CHSY3: variants seen among roughly 807,000 people sequenced by gnomAD.
The protein encoded by CHSY3 is N-acetylgalactosaminyl-proteoglycan 3-beta-glucuronosyltransferase 3.
Under a neutral mutation model 67.2 loss-of-function variants are expected in CHSY3, and 35 were observed. That is an observed-to-expected ratio of 0.52 (90% CI 0.40 to 0.69). The LOEUF (loss-of-function observed/expected upper bound fraction) is 0.69. Ranked by LOEUF, CHSY3 falls within the 30% of genes least tolerant of loss-of-function variation. The pLI is 0.00. For missense variants in CHSY3, 1,069 were observed against 1,138.5 expected, an observed-to-expected ratio of 0.94 and a Z score of 0.88; for synonymous variants, 474 against 434.7, an observed-to-expected ratio of 1.09 and a Z score of -1.12.
At chr5:130,172,663 A>G (rs936688586) in intron 2 of CHSY3, among the ~76,000 whole-genome samples, 3 of 152,136 alleles carry the variant, frequency 2.0e-5, no homozygotes, top group African/African-American at 2.4e-5. Context: ...ACAATTCAGT[A>G]GTATCAGCTA....
At chr5:130,057,292 A>G (rs1765566610) in intron 2 of CHSY3, among the ~76,000 whole-genome samples, 1 of 152,106 alleles carries the variant, frequency 6.6e-6, no homozygotes, top group Non-Finnish European at 1.5e-5. Context: ...ATTGGACTAT[A>G]TAAAGTGAAA....
intron 2 of CHSY3, chr5:130,141,283 C>T: frequency 2.3e-6 from 1 of 436,386 alleles, no homozygotes. Context: ...CCCACCATTC[C>T]TATCAAGCAG....
intron 2 of CHSY3, among the ~76,000 whole-genome samples, chr5:129,987,955 C>T (rs1377402258): frequency 1.3e-5 from 2 of 151,944 alleles, no homozygotes; most frequent in African/African-American, 4.8e-5. Context: ...AAAATCTTTC[C>T]GTTTTTCTTG....
intron 2 of CHSY3, among the ~76,000 whole-genome samples, chr5:129,931,140 G>A (rs1309958224): frequency 6.6e-6 from 1 of 151,984 alleles, no homozygotes; most frequent in Non-Finnish European, 1.5e-5. Context: ...TTTAAAACAT[G>A]TATATTTGTG....
chr5:130,120,855 A>C (rs578112184), intron 2 of CHSY3, among the ~76,000 whole-genome samples: 1 of 152,324 alleles, frequency 6.6e-6, no homozygotes, highest in South Asian at 2.1e-4. Context: ...GAGCAACCAA[A>C]TGTTAGAATG....
chr5:129,953,125 C>T (rs944894637), intron 2 of CHSY3, among the ~76,000 whole-genome samples: 2 of 152,118 alleles, frequency 1.3e-5, no homozygotes, highest in South Asian at 4.1e-4. Context: ...TGCTATCCCT[C>T]CCCTATCCCC....
intron 2 of CHSY3, among the ~76,000 whole-genome samples, chr5:129,945,008 A>G (rs568471088): frequency 1.3e-5 from 2 of 152,328 alleles, no homozygotes; most frequent in Admixed American, 6.5e-5. Flanking sequence ...GAACACTTAT[A>G]TTCCAGGCTA....
intron 2 of CHSY3, among the ~76,000 whole-genome samples, chr5:129,924,889 C>T (rs928078508): frequency 6.6e-6 from 1 of 152,218 alleles, no homozygotes; most frequent in East Asian, 1.9e-4. Flanking sequence ...AAAAGAGGAG[C>T]AAATTCCTCA....
chr5:130,020,458 TA>T (rs1194393738), intron 2 of CHSY3, among the ~76,000 whole-genome samples: 24 of 3,756 alleles, frequency 6.4e-3, no homozygotes, highest in Non-Finnish European at 0.014. Context: ...TATATATATA[TA>T]TATTTTTTTT....
intron 2 of CHSY3, among the ~76,000 whole-genome samples, chr5:129,989,776 A>G (rs1166192463): frequency 2.0e-5 from 3 of 152,210 alleles, no homozygotes; most frequent in Non-Finnish European, 4.4e-5. Context: ...ATTATAGTGC[A>G]TGCTTCATAG....
rs1235724208 is a variant in CHSY3, at chr5:130,160,895, ATT to A, written c.1087-23322_1087-23321del. 7.3e-3 allele frequency among the ~76,000 whole-genome samples: 1,046 copies of A among 142,418 alleles called. 17 individuals carry two copies. Among genetic ancestry groups the A allele is most frequent in the African/African-American group, 0.027 (982 of 37,038 alleles). The allele number at this position is 142,418 out of a possible 152,430, so 93.4% of individuals were successfully genotyped here. On this transcript the variant is annotated intron_variant, in intron 2 of 2. Coordinates refer to ENST00000305031, the MANE Select transcript of CHSY3 (RefSeq NM_175856.5). ...ACTGATCATTTTTATTTATTTATTT[ATT>A]TTTTTTTTTTTATTTTTTTTTTTTT...
intron 2 of CHSY3, among the ~76,000 whole-genome samples, chr5:130,121,255 A>C (rs1768012517): frequency 6.6e-6 from 1 of 152,212 alleles, no homozygotes; most frequent in Non-Finnish European, 1.5e-5. Flanking sequence ...TCGTGTTCTT[A>C]GCATATAATA....
At chr5:130,124,198 G>C (rs566604888) in intron 2 of CHSY3, among the ~76,000 whole-genome samples, 1 of 152,194 alleles carries the variant, frequency 6.6e-6, no homozygotes, top group Admixed American at 6.5e-5. Context: ...AACAGGATGT[G>C]AGCCGTGGTT....
chr5:130,088,525 A>G (rs1258757520), intron 2 of CHSY3, among the ~76,000 whole-genome samples: 2 of 152,182 alleles, frequency 1.3e-5, no homozygotes, highest in Non-Finnish European at 2.9e-5. Flanking sequence ...CAACAGATTT[A>G]CAAGAAAAAA....
At chr5:129,968,610 T>C (rs987551977) in intron 2 of CHSY3, among the ~76,000 whole-genome samples, 1 of 151,794 alleles carries the variant, frequency 6.6e-6, no homozygotes, top group Non-Finnish European at 1.5e-5. Flanking sequence ...CACTAGTTCC[T>C]TATGAATTTT....
chr5:130,103,319 T>C (rs1464539930), intron 2 of CHSY3, among the ~76,000 whole-genome samples: 1 of 152,086 alleles, frequency 6.6e-6, no homozygotes, highest in Non-Finnish European at 1.5e-5. Flanking sequence ...AATTCTAGAA[T>C]TAATATATTA....
At chr5:129,967,517 C>G (rs370208426) in intron 2 of CHSY3, among the ~76,000 whole-genome samples, 1 of 151,752 alleles carries the variant, frequency 6.6e-6, no homozygotes, top group African/African-American at 2.4e-5. Context: ...ATTTACCAGT[C>G]GCTGCTATTT....
At chr5:129,973,640 T>C (rs1762708828) in intron 2 of CHSY3, among the ~76,000 whole-genome samples, 1 of 152,154 alleles carries the variant, frequency 6.6e-6, no homozygotes, top group Non-Finnish European at 1.5e-5. Flanking sequence ...TGAAATCTCC[T>C]TTCCTCAATT....
intron 2 of CHSY3, among the ~76,000 whole-genome samples, chr5:130,094,636 A>G (rs1170441038): frequency 6.6e-6 from 1 of 152,128 alleles, no homozygotes; most frequent in Admixed American, 6.6e-5. Flanking sequence ...ATTTATCAAA[A>G]TCCATAAAAC....
Sources: allele counts gnomAD v4.1 joint callset (sites outside exome capture counted in the v4.1 genomes callset), GRCh38; gene constraint gnomAD v4.1.1; transcripts MANE v1.5; gene names NCBI Gene and HGNC (gene_info 2026-07-23, HGNC 2026-07-21).